ZNF473: variants seen among roughly 807,000 people sequenced by gnomAD.
ZNF473 encodes the protein zinc finger protein 473, also known as zinc finger protein 100 homolog.
In ZNF473, 4 loss-of-function variants were observed where a neutral mutation model predicts 11.1. The ratio of observed to expected loss-of-function variants is 0.36; its 90% CI spans 0.18 to 0.82. ZNF473 has a LOEUF of 0.82. Among genes scored for constraint, ZNF473 ranks in the 40% least tolerant of loss-of-function variants. The pLI is 0.49. For missense variants in ZNF473, 854 were observed against 1,084.0 expected (o/e 0.79, Z 2.98); for synonymous variants, 404 against 390.4 (o/e 1.03, Z -0.41).
intron 2 of ZNF473, among the ~76,000 whole-genome samples, chr19:50,033,058 T>G (rs1210151551): frequency 6.6e-6 from 1 of 152,208 alleles, no homozygotes; most frequent in African/African-American, 2.4e-5. Flanking sequence ...TACTGGGGGT[T>G]AGAACTTCAT....
intron 2 of ZNF473, among the ~76,000 whole-genome samples, chr19:50,036,314 CTT>C (rs35619461): frequency 1.1e-4 from 12 of 108,744 alleles, no homozygotes; most frequent in Non-Finnish European, 1.2e-4. Flanking sequence ...GAGGTGGGGC[CTT>C]TTTTTTTTTT....
chr19:50,041,635 G>A (rs774852373), intron 3 of ZNF473, 95 bp from the exon 4 acceptor site: 23 of 1,093,412 alleles, frequency 2.1e-5, no homozygotes, highest in Non-Finnish European at 3.0e-5. Context: ...GCAGGATAAA[G>A]CATAGAAAAG....
At chr19:50,035,032 C>CT (rs1208836411) in intron 2 of ZNF473, among the ~76,000 whole-genome samples, 1 of 152,176 alleles carries the variant, frequency 6.6e-6, no homozygotes, top group Non-Finnish European at 1.5e-5. Context: ...TGGCTCATGC[C>CT]TGTAATCCCA....
chr19:50,038,012 T>A lies in ZNF473; in HGVS notation c.10-1149T>A, dbSNP rs1159985233. ...CTGACTAGCCAAATAGTAGAAAATT[T>A]TTTTTTTTTTTTTTGAGACAGGGTC... On this transcript the variant is annotated intron_variant, in intron 2 of 4. Transcript: ENST00000270617. Among the ~76,000 whole-genome samples the A allele has an allele frequency of 5.4e-3, 732 of 134,360 alleles. 5 individuals carry two copies. The highest frequency in any genetic ancestry group is 0.023 in the African/African-American group (652 of 28,152). 88.1% of individuals were successfully genotyped at this position (134,360 alleles called of 152,430 possible). A position where few individuals can be genotyped will look rare whatever the true frequency, so the allele number is the denominator to read the frequency against.
At position 50,045,989 on chromosome 19, in the gene ZNF473, G is replaced by A. The variant is rs1979092944; in HGVS notation, c.1546G>A (p.Glu516Lys). Reference protein sequence around the residue: ...QKMHTVKTPYECQECGERFIC... With the variant: ...QKMHTVKTPYKCQECGERFIC... ...AATGCACACTGTCAAAACCCCATAT[G>A]AATGTCAGGAGTGCGGAGAACGCTT... The change falls in exon 5 of 5, where the codon GAA becomes AAA. Residue 516 changes from glutamate (E) to lysine (K), a missense_variant. Coordinates refer to ENST00000270617, the MANE Select transcript of ZNF473 (RefSeq NM_015428.4). The A allele has an allele frequency of 6.2e-7, 1 of 1,614,184 alleles. No homozygotes were observed. Among genetic ancestry groups the A allele is most frequent in the Non-Finnish European group, 8.5e-7 (1 of 1,180,038 alleles).
chr19:50,034,704 G>A (rs1031635826), intron 2 of ZNF473, among the ~76,000 whole-genome samples: 1 of 151,606 alleles, frequency 6.6e-6, no homozygotes, highest in Admixed American at 6.6e-5. Context: ...TCAGCTGTTA[G>A]TTAGAGAACA....
At position 50,045,806 on chromosome 19, in the gene ZNF473, G is replaced by C; in HGVS notation, c.1363G>C (p.Gly455Arg). 1 of 1,614,082 alleles carries C rather than the reference G, an allele frequency of 6.2e-7. No individual in the cohort carries two copies. The highest frequency in any genetic ancestry group is 8.5e-7 in the Non-Finnish European group (1 of 1,179,998). Residue 455 changes from glycine to arginine, a missense_variant, in exon 5 of 5, where the codon GGC (glycine) becomes CGC (arginine). Coordinates refer to ENST00000270617, the MANE Select transcript of ZNF473 (RefSeq NM_015428.4). ...HLNEHRRIHT[G>R]YRPHKCQECV... ...TAATGAACATCGGCGAATTCATACA[G>C]GCTACAGACCCCACAAATGTCAGGA...
chr19:50,026,355 C>G (rs535337288), intron 1 of ZNF473, among the ~76,000 whole-genome samples: 2 of 152,146 alleles, frequency 1.3e-5, no homozygotes, highest in South Asian at 4.1e-4. Flanking sequence ...GGATCACTTA[C>G]AGCCAGGAGT....
intron 2 of ZNF473, among the ~76,000 whole-genome samples, chr19:50,036,198 A>G (rs1568406319): frequency 6.6e-6 from 1 of 151,980 alleles, no homozygotes; most frequent in Non-Finnish European, 1.5e-5. Flanking sequence ...GAGCTCAAGC[A>G]GTCTGCCCGC....
intron 2 of ZNF473, among the ~76,000 whole-genome samples, chr19:50,037,026 T>C (rs1978486549): frequency 6.6e-6 from 1 of 152,216 alleles, no homozygotes; most frequent in African/African-American, 2.4e-5. Flanking sequence ...GGCAGTTCAG[T>C]GACTCACTGC....
chr19:50,045,086 G>A lies in ZNF473; in HGVS notation c.643G>A (p.Gly215Arg). ...GEKPYQCSECGKSFSGSYRLT... is the reference protein window; with the variant it reads ...GEKPYQCSECRKSFSGSYRLT... ...GAAACCATATCAATGTAGTGAATGT[G>A]GGAAAAGCTTCAGTGGGAGTTACCG... is the stretch of plus-strand genomic sequence containing the variant. Residue 215 changes from glycine (G) to arginine (R), a missense_variant, in exon 5 of 5, where the codon GGG becomes AGG. Gly to Arg is a moderately radical substitution (Grantham distance 125, BLOSUM62 -2). This residue lies in a region of ZNF473 where 668 missense variants were observed against 790.2 expected (regional missense o/e 0.85). Coordinates refer to ENST00000270617, the MANE Select transcript of ZNF473 (RefSeq NM_015428.4). The A allele has an allele frequency of 6.2e-7, 1 of 1,614,178 alleles. No individual in the cohort carries two copies. The highest frequency in any genetic ancestry group is 8.5e-7 in the Non-Finnish European group (1 of 1,180,028).
chr19:50,030,052 T>C (rs2077309926), intron 1 of ZNF473, among the ~76,000 whole-genome samples: 1 of 152,082 alleles, frequency 6.6e-6, no homozygotes, highest in South Asian at 2.1e-4. Context: ...GGTTTCAGCA[T>C]ATTGGCCAGG....
chr19:50,045,166 G>A lies in ZNF473; in HGVS notation c.723G>A (p.Glu241=), dbSNP rs780659430. 5 of 1,614,234 alleles carry A rather than the reference G, an allele frequency of 3.1e-6. No homozygotes were observed. The East Asian group carries it at 1.1e-4, about 36-fold the overall frequency. ...HTREKPTVHQ[E]CEQGFDRNAS... ...GGGAGAAACCCACTGTCCATCAAGA[G>A]TGTGAGCAAGGTTTTGACCGGAATG... Residue 241 remains glutamate (E), a synonymous_variant, in exon 5 of 5, where the codon GAG becomes GAA. Transcript: ENST00000270617.
At chr19:50,042,045 GGGTTATCCT>G in intron 4 of ZNF473, 1 of 365,424 alleles carries the variant, frequency 2.7e-6, no homozygotes, top group Non-Finnish European at 5.0e-6. Context: ...CTTCAGCACA[GGGTTATCCT>G]GGTGCCTCTC....
chr19:50,045,977 A>G lies in ZNF473; in HGVS notation c.1534A>G (p.Lys512Glu), dbSNP rs1257891583. The stretch of plus-strand genomic sequence containing the variant: ...GCAACACCAGAAAATGCACACTGTC[A>G]AAACCCCATATGAATGTCAGGAGTG... Reference protein sequence around the residue: ...LVQHQKMHTVKTPYECQECGE... With the variant: ...LVQHQKMHTVETPYECQECGE... The change falls in exon 5 of 5, where the codon AAA (lysine) becomes GAA (glutamate). Residue 512 changes from lysine to glutamate, a missense_variant. Transcript: ENST00000270617. The G allele has an allele frequency of 3.7e-6, 6 of 1,614,208 alleles. No individual in the cohort carries two copies. Among genetic ancestry groups the G allele is most frequent in the African/African-American group, 2.7e-5 (2 of 75,054 alleles).
Position 50,046,748 on chromosome 19 carries a change from C to T in ZNF473, c.2305C>T (p.Gln769Ter). 1 of 1,614,174 alleles carries T rather than the reference C, an allele frequency of 6.2e-7. No homozygotes were observed. Among genetic ancestry groups the T allele is most frequent in the African/African-American group, 1.3e-5 (1 of 75,042 alleles). Reference sequence around the variant, plus strand: ...TCAGGAATGCGGGAAAGCCTTCACCCAGAGCTCATGCCTTTCTATTCACCG... The same window carrying T: ...TCAGGAATGCGGGAAAGCCTTCACCTAGAGCTCATGCCTTTCTATTCACCG... ...VCQECGKAFT[Q>*]SSCLSIHRRV... The change falls in exon 5 of 5, where the codon CAG (glutamine) becomes TAG (stop). Residue 769 changes from glutamine (Q) to a stop codon, truncating the protein, a stop_gained. Coordinates refer to ENST00000270617, the MANE Select transcript of ZNF473 (RefSeq NM_015428.4). LOFTEE classifies it low-confidence loss of function (END_TRUNC). This position sits in a 1 kb window ranked among gnomAD's most constrained non-coding sequence, Gnocchi z 5.9.
At chr19:50,035,838 A>G (rs956457434) in intron 2 of ZNF473, among the ~76,000 whole-genome samples, 2 of 152,104 alleles carry the variant, frequency 1.3e-5, no homozygotes, top group African/African-American at 2.4e-5. Flanking sequence ...TTGAACTGGG[A>G]CCTGTCTGAC....
intron 2 of ZNF473, among the ~76,000 whole-genome samples, chr19:50,032,522 C>A (rs752236855): frequency 6.6e-6 from 1 of 152,096 alleles, no homozygotes; most frequent in Non-Finnish European, 1.5e-5. Flanking sequence ...CCTCATTCAA[C>A]AAGTATTTAC....
intron 2 of ZNF473, among the ~76,000 whole-genome samples, chr19:50,033,531 A>G (rs1403886523): frequency 6.6e-6 from 1 of 152,154 alleles, no homozygotes; most frequent in Admixed American, 6.5e-5. Flanking sequence ...CGTCCACCCA[A>G]TTCCTGCTTA....
Sources: gnomAD v4.1 joint callset for allele counts (sites outside exome capture counted in the v4.1 genomes callset) on GRCh38, gnomAD v4.1.1 for gene constraint, gnomAD v4.1.1 regional missense constraint, Gnocchi (gnomAD v3.1) non-coding constraint, MANE v1.5 for transcripts, NCBI Gene and HGNC (gene_info 2026-07-23, HGNC 2026-07-21) for gene names.